The following PSG11 variants were observed in gnomAD, a reference collection of about 807,000 sequenced individuals.
The protein encoded by PSG11 is pregnancy-specific beta-1-glycoprotein 11.
In PSG11, 42 loss-of-function variants were observed where a neutral mutation model predicts 36.0. The ratio of observed to expected loss-of-function variants is 1.17; its 90% CI spans 0.91 to 1.51. PSG11 has a LOEUF of 1.51. PSG11 is among the 40% of genes most tolerant of loss of function. The probability of loss-of-function intolerance (pLI) is 0.00; values close to 1 mark genes in which losing one functional copy is unlikely to be tolerated. For synonymous variants in PSG11, 206 were observed against 153.5 expected (o/e 1.34, Z -2.53); for missense variants, 558 against 403.5 (o/e 1.38, Z -3.28).
intron 1 of PSG11, among the ~76,000 whole-genome samples, chr19:43,025,515 G>C (rs568619222): frequency 1.3e-5 from 2 of 151,118 alleles, no homozygotes; most frequent in East Asian, 3.9e-4. Flanking sequence ...AGATCTCTTT[G>C]CATGTCTGAC....
At chr19:43,014,701 GA>G in intron 4 of PSG11, 3 of 1,199,808 alleles carry the variant, frequency 2.5e-6, no homozygotes, top group Non-Finnish European at 2.1e-6. Context: ...TCATTTGGGG[GA>G]AAAGTGTGAG....
chr19:43,008,280 A>T lies in PSG11; in HGVS notation c.*41-238T>A, dbSNP rs891941884. On this transcript the variant is annotated intron_variant, in intron 5 of 5. Coordinates refer to ENST00000320078, the MANE Select transcript of PSG11 (RefSeq NM_002785.3). Reference sequence around the variant, plus strand: ...TAATTTTTAGAACACTCATTTTTTTAAATTTTTTTTGAGATGGAGTCTCAC... The same window carrying T: ...TAATTTTTAGAACACTCATTTTTTTTAATTTTTTTTGAGATGGAGTCTCAC... 2.1e-4 allele frequency among the ~76,000 whole-genome samples: 32 copies of T among 151,284 alleles called. 1 individual carries two copies. The highest frequency in any genetic ancestry group is 4.7e-4 in the Non-Finnish European group (32 of 67,810).
Position 43,018,761 on chromosome 19 carries a change from G to A in PSG11, c.709+9C>T. 1.2e-6 allele frequency: 2 copies of A among 1,612,146 alleles called. No individual in the cohort carries two copies. Among genetic ancestry groups the A allele is most frequent in the East Asian group, 2.2e-5 (1 of 44,794 alleles). On this transcript the variant is annotated intron_variant, in intron 3 of 5. Transcript: ENST00000320078. ...CAGCCTGGCTCACAGAGGAACAGAA[G>A]ATACTCACGGAGGAGATTCAGGGTG...
chr19:43,016,440 A>T (rs1283844755), intron 3 of PSG11, among the ~76,000 whole-genome samples: 1 of 150,942 alleles, frequency 6.6e-6, no homozygotes, highest in Non-Finnish European at 1.5e-5. Flanking sequence ...GCCCCCCTAG[A>T]TGTGATTTCT....
intron 2 of PSG11, chr19:43,019,828 G>C (rs1175011714): frequency 6.6e-6 from 1 of 151,598 alleles, no homozygotes; most frequent in Non-Finnish European, 1.5e-5. Flanking sequence ...GGACCATGTG[G>C]ATCTTTCTGG....
rs755227537 is a variant in PSG11 at position 43,026,344 on chromosome 19, G to A, written c.29C>T (p.Thr10Ile). Residue 10 changes from threonine to isoleucine, a missense_variant, in exon 1 of 6, where the codon ACA (threonine) becomes ATA (isoleucine). Transcript: ENST00000320078. MGPLSAPPC[T>I]EHIKWKGLLL... ...GAGCCCCTTCCATTTGATGTGCTCT[G>A]TGCAGGGAGGGGCTGAGAGGGGCCC... is the stretch of plus-strand genomic sequence containing the variant. 30 of 1,611,062 alleles carry A rather than the reference G, an allele frequency of 1.9e-5. No homozygotes were observed. In the South Asian group the frequency reaches 3.2e-4, roughly 17 times the overall value.
At chr19:43,020,437 A>G (rs1380310921) in intron 2 of PSG11, among the ~76,000 whole-genome samples, 1 of 151,254 alleles carries the variant, frequency 6.6e-6, no homozygotes, top group Non-Finnish European at 1.5e-5. Flanking sequence ...TAATACTGTA[A>G]TTATCCCATA....
At chr19:43,009,519 G>C (rs1015878658) in intron 5 of PSG11, among the ~76,000 whole-genome samples, 9 of 151,258 alleles carry the variant, frequency 6.0e-5, no homozygotes, top group African/African-American at 2.2e-4. Context: ...TATACCCCTG[G>C]AGATTCTTGA....
At chr19:43,011,695 A>G (rs1286883350) in intron 4 of PSG11, among the ~76,000 whole-genome samples, 2 of 151,128 alleles carry the variant, frequency 1.3e-5, no homozygotes, top group African/African-American at 4.9e-5. Context: ...TGACCAGCAT[A>G]GGTAACCTGG....
intron 2 of PSG11, chr19:43,019,384 G>T: frequency 2.8e-6 from 1 of 357,806 alleles, no homozygotes; most frequent in East Asian, 5.5e-5. Flanking sequence ...TTTTGGTCCT[G>T]ACTTGGAGCA....
rs1249963985 is a variant in PSG11, at chr19:43,007,832, TCAG to T, written c.*248_*250del. On this transcript the variant is annotated 3_prime_UTR_variant, in exon 6 of 6. Coordinates refer to ENST00000320078, the MANE Select transcript of PSG11 (RefSeq NM_002785.3). Reference sequence around the variant, plus strand: ...TCTGGAGGATAAAACATTCAAAAAATCAGCACATTTTCCAATAAAAAATTATGA... The same window carrying T: ...TCTGGAGGATAAAACATTCAAAAAATCACATTTTCCAATAAAAAATTATGA... 1 of 310,150 alleles carries T rather than the reference TCAG, an allele frequency of 3.2e-6. No homozygotes were observed. Among genetic ancestry groups the T allele is most frequent in the Non-Finnish European group, 6.2e-6 (1 of 160,084 alleles). The allele number at this position is 310,150 out of a possible 1,614,324, so 19.2% of individuals were successfully genotyped here.
rs548575902 is a variant in PSG11, at chr19:43,021,305, G to C, written c.431-2257C>G. On this transcript the variant is annotated intron_variant, in intron 2 of 5. Transcript: ENST00000320078. ...CCTCAAGCTAGGGATTCCTTCCTCA[G>C]CTGTGTGCAGTCTACCAGTAAGCAT... 1.4e-4 allele frequency among the ~76,000 whole-genome samples: 21 copies of C among 151,316 alleles called. No individual in the cohort carries two copies. The South Asian group carries it at 4.2e-3, about 30-fold the overall frequency.
At chr19:43,010,929 A>G (rs868316299) in intron 4 of PSG11, among the ~76,000 whole-genome samples, 3 of 148,936 alleles carry the variant, frequency 2.0e-5, no homozygotes, top group Non-Finnish European at 4.4e-5. Context: ...AAAGGAAGGT[A>G]CTGTTGAGGG....
intron 2 of PSG11, 177 bp downstream of exon 2, chr19:43,024,514 T>A (rs1005530863): frequency 1.6e-6 from 2 of 1,258,976 alleles, no homozygotes; most frequent in African/African-American, 1.5e-5. Flanking sequence ...GGGAAAGGAA[T>A]TCTGATCTGT....
chr19:43,011,427 AAAT>A (rs1024709044), intron 4 of PSG11, among the ~76,000 whole-genome samples: 14 of 151,518 alleles, frequency 9.2e-5, no homozygotes, highest in African/African-American at 3.2e-4. Flanking sequence ...TGAATGAGGG[AAAT>A]AATAAGGATT....
rs61534996 is a variant in PSG11, at chr19:43,012,676, T to C, written c.964+2440A>G. On this transcript the variant is annotated intron_variant, in intron 4 of 5. Coordinates refer to ENST00000320078, the MANE Select transcript of PSG11 (RefSeq NM_002785.3). ...TGGAAAGACATTTTGTTTTCATGAA[T>C]TGGAAGACTCAATATTGTTAGGAGG... is the stretch of plus-strand genomic sequence containing the variant. Among the ~76,000 whole-genome samples, 660 of 151,586 alleles carry C rather than the reference T, an allele frequency of 4.4e-3. 29 individuals are homozygous for C. The highest frequency in any genetic ancestry group is 0.015 in the African/African-American group (619 of 41,222).
chr19:43,020,603 C>G lies in PSG11; in HGVS notation c.431-1555G>C, dbSNP rs144718435. 5.5e-3 allele frequency among the ~76,000 whole-genome samples: 829 copies of G among 151,468 alleles called. 39 individuals are homozygous for G. The highest frequency in any genetic ancestry group is 0.019 in the African/African-American group (792 of 41,134). On this transcript the variant is annotated intron_variant, in intron 2 of 5. Transcript: ENST00000320078. ...GCTGGTAGTAGTATTTCTCTTGAGA[C>G]CAACATAAGGTTTAGGTGTGCCATG...
intron 1 of PSG11, chr19:43,025,353 C>A: frequency 2.3e-6 from 1 of 426,020 alleles, no homozygotes; most frequent in Non-Finnish European, 4.1e-6. Flanking sequence ...GTCCGCATGG[C>A]CCCCTCCACA....
chr19:43,023,079 C>T lies in PSG11; in HGVS notation c.430+1612G>A, dbSNP rs995478079. Among the ~76,000 whole-genome samples the T allele has an allele frequency of 1.1e-4, 17 of 150,694 alleles. 2 individuals are homozygous for T. Among genetic ancestry groups the T allele is most frequent in the African/African-American group, 4.2e-4 (17 of 40,716 alleles). ...TTCAGAGCCCCCAGGAACCAGCTGC[C>T]CCCAGTTCCACAGTCCAGGACCAAG... On this transcript the variant is annotated intron_variant, in intron 2 of 5. Transcript: ENST00000320078.
Sources: gnomAD v4.1 joint callset for allele counts (sites outside exome capture counted in the v4.1 genomes callset) on GRCh38, gnomAD v4.1.1 for gene constraint, MANE v1.5 for transcripts, NCBI Gene and HGNC (gene_info 2026-07-23, HGNC 2026-07-21) for gene names.